Variants in MYOC observed in about 807,000 individuals in gnomAD.
The protein encoded by MYOC is myocilin.
In MYOC, 29 loss-of-function variants were observed where a neutral mutation model predicts 28.2. The observed-to-expected ratio is 1.03, with a 90% CI of 0.77 to 1.40. MYOC has a LOEUF of 1.40. MYOC is among the 40% of genes most tolerant of loss of function. MYOC has a pLI of 0.00. For missense variants in MYOC, 569 were observed against 620.6 expected, an observed-to-expected ratio of 0.92 and a Z score of 0.88; for synonymous variants, 240 against 245.6, an observed-to-expected ratio of 0.98 and a Z score of 0.21.
At chr1:171,637,535 TTGG>T (rs966496772) in intron 2 of MYOC, among the ~76,000 whole-genome samples, 2 of 151,992 alleles carry the variant, frequency 1.3e-5, no homozygotes, top group Non-Finnish European at 2.9e-5. Context: ...CCTGGCTAAT[TTGG>T]TTTAGAAAAT....
chr1:171,636,824 A>C, intron 2 of MYOC, 115 bp from the exon 3 acceptor site: 2 of 1,180,236 alleles, frequency 1.7e-6, no homozygotes, highest in South Asian at 1.3e-5. Flanking sequence ...CCTGGAGACA[A>C]ATCGTCTGGG....
In MYOC at chr1:171,638,966, G is replaced by A. The variant is rs2102945768; in HGVS notation, c.605-244C>T. ...AAAGAATTAGCTGGATGTGGTGGCA[G>A]GTGCCTATAATCCCAGCTTCTTGGG... On this transcript the variant is annotated intron_variant, in intron 1 of 2. Coordinates refer to ENST00000037502, the MANE Select transcript of MYOC (RefSeq NM_000261.2). 2.0e-5 allele frequency among the ~76,000 whole-genome samples: 3 copies of A among 152,282 alleles called. No homozygotes were observed. The South Asian group carries it at 6.2e-4, about 32-fold the overall frequency.
At chr1:171,638,547 C>T in intron 2 of MYOC, 50 bp downstream of exon 2, 1 of 1,609,188 alleles carries the variant, frequency 6.2e-7, no homozygotes, top group East Asian at 2.2e-5. Flanking sequence ...CAGCACTAGA[C>T]ATGAATAAAG....
intron 1 of MYOC, among the ~76,000 whole-genome samples, chr1:171,646,508 T>G (rs1648755846): frequency 6.7e-6 from 1 of 149,780 alleles, no homozygotes; most frequent in Non-Finnish European, 1.5e-5. Flanking sequence ...TTTGTTTTTT[T>G]TTTTTTGAGA....
chr1:171,651,312 A>T lies in MYOC; in HGVS notation c.604+696T>A, dbSNP rs185155746. Among the ~76,000 whole-genome samples the T allele has an allele frequency of 7.2e-5, 11 of 151,926 alleles. No individual in the cohort carries two copies. In the East Asian group the frequency reaches 2.1e-3, roughly 30 times the overall value. ...CACAAATACCATCTTCCCAGCTAAT[A>T]AGAAGACCTCCCCCAACACCTCACC... On this transcript the variant is annotated intron_variant, in intron 1 of 2. Transcript: ENST00000037502.
intron 1 of MYOC, among the ~76,000 whole-genome samples, chr1:171,640,260 A>G (rs903984129): frequency 1.3e-5 from 2 of 150,856 alleles, no homozygotes; most frequent in Non-Finnish European, 3.0e-5. Context: ...CAGAGTTCCT[A>G]TAGGAGTTTG....
intron 1 of MYOC, among the ~76,000 whole-genome samples, chr1:171,648,188 TAAA>T (rs11295938): frequency 2.8e-5 from 4 of 144,796 alleles, no homozygotes; most frequent in Non-Finnish European, 3.0e-5. Flanking sequence ...GACTCCATCT[TAAA>T]AAAAAAAAAA....
At chr1:171,639,839 T>C (rs140069466) in intron 1 of MYOC, among the ~76,000 whole-genome samples, 87 of 147,414 alleles carry the variant, frequency 5.9e-4, no homozygotes, top group African/African-American at 1.9e-3. Flanking sequence ...TAGTTCCAGA[T>C]ACTCAGGAGG....
chr1:171,646,328 G>A (rs1287899527), intron 1 of MYOC, among the ~76,000 whole-genome samples: 2 of 152,098 alleles, frequency 1.3e-5, no homozygotes, highest in African/African-American at 4.8e-5. Flanking sequence ...AAATGAAATG[G>A]CCCTCAATAA....
Position 171,635,827 on chromosome 1 carries a change from C to T in MYOC, c.*98G>A. 7.6e-7 allele frequency: 1 copy of T among 1,317,278 alleles called. No homozygotes were observed. The highest frequency in any genetic ancestry group is 1.1e-6 in the Non-Finnish European group (1 of 934,304). The allele number at this position is 1,317,278 out of a possible 1,614,324, so 81.6% of individuals were successfully genotyped here. On this transcript the variant is annotated 3_prime_UTR_variant, in exon 3 of 3. Transcript: ENST00000037502. ...ATGAAAACTTGGAAAGCAGTCAAAGCTGCCTGGGCCCTGGCTGGCTGGCTC... is the reference window on the plus strand; with the variant it reads ...ATGAAAACTTGGAAAGCAGTCAAAGTTGCCTGGGCCCTGGCTGGCTGGCTC...
chr1:171,638,548 A>G (rs1652988324), intron 2 of MYOC, 49 bp downstream of exon 2: 7 of 1,609,728 alleles, frequency 4.3e-6, no homozygotes, highest in South Asian at 1.1e-5. Flanking sequence ...AGCACTAGAC[A>G]TGAATAAAGA....
At chr1:171,648,700 T>A (rs1055805840) in intron 1 of MYOC, among the ~76,000 whole-genome samples, 10 of 148,604 alleles carry the variant, frequency 6.7e-5, no homozygotes, top group South Asian at 4.2e-4. Flanking sequence ...ATATATATAT[T>A]TTTTTGAGAT....
intron 1 of MYOC, among the ~76,000 whole-genome samples, chr1:171,648,188 TA>T (rs11295938): frequency 0.75 from 108,226 of 144,784 alleles, 40,302 homozygotes; most frequent in East Asian, 0.85. Context: ...GACTCCATCT[TA>T]AAAAAAAAAA....
rs1227195040 is a variant in MYOC at position 171,652,166 on chromosome 1, T to C, written c.446A>G (p.Lys149Arg). ...CTTCTTCTCTTCCTCCAGAACTGAC[T>C]TGTCTCGGAGGAGGTTGCTGTAGGC... ...ETAYSNLLRD[K>R]SVLEEEKKRL... The change falls in exon 1 of 3, where the codon AAG becomes AGG. Residue 149 changes from lysine (K) to arginine (R), a missense_variant. By Grantham distance (26) the Lys-to-Arg change is conservative. Coordinates refer to ENST00000037502, the MANE Select transcript of MYOC (RefSeq NM_000261.2). 6.2e-7 allele frequency: 1 copy of C among 1,614,048 alleles called. No individual in the cohort carries two copies. Among genetic ancestry groups the C allele is most frequent in the East Asian group, 2.2e-5 (1 of 44,888 alleles).
At chr1:171,647,327 C>T (rs925565627) in intron 1 of MYOC, among the ~76,000 whole-genome samples, 7 of 151,638 alleles carry the variant, frequency 4.6e-5, no homozygotes, top group African/African-American at 1.5e-4. Context: ...AGTTCAAGAC[C>T]AGCCTGGCCA....
At chr1:171,647,187 A>T (rs1189643405) in intron 1 of MYOC, among the ~76,000 whole-genome samples, 1 of 152,214 alleles carries the variant, frequency 6.6e-6, no homozygotes, top group Non-Finnish European at 1.5e-5. Flanking sequence ...TTAAAATGTT[A>T]TGCACATGTT....
chr1:171,651,968 C>T, intron 1 of MYOC, 40 bp downstream of exon 1: 5 of 1,613,920 alleles, frequency 3.1e-6, no homozygotes, highest in Non-Finnish European at 4.2e-6. Context: ...CGAGCCATAT[C>T]ACCTGCTGAA....
intron 1 of MYOC, among the ~76,000 whole-genome samples, chr1:171,645,405 C>T (rs1275915018): frequency 1.3e-5 from 2 of 152,124 alleles, no homozygotes; most frequent in Non-Finnish European, 2.9e-5. Context: ...CACTGGGAGG[C>T]GGCCTATTGC....
At chr1:171,644,729 G>T (rs1418059491) in intron 1 of MYOC, among the ~76,000 whole-genome samples, 1 of 152,156 alleles carries the variant, frequency 6.6e-6, no homozygotes, top group South Asian at 2.1e-4. Context: ...TGCAGATAGC[G>T]CCTGATAAAG....
Sources: gnomAD v4.1 joint callset for allele counts (sites outside exome capture counted in the v4.1 genomes callset) on GRCh38, gnomAD v4.1.1 for gene constraint, MANE v1.5 for transcripts, NCBI Gene and HGNC (gene_info 2026-07-23, HGNC 2026-07-21) for gene names.